The following SEPTIN9 variants were observed in gnomAD, a reference collection of about 807,000 sequenced individuals.
SEPTIN9 encodes the protein septin-9.
A neutral mutation model predicts 56.6 loss-of-function variants in SEPTIN9; 13 were observed. That is an observed-to-expected ratio of 0.23 (90% CI 0.15 to 0.37). The LOEUF is 0.37. Among genes scored for constraint, SEPTIN9 ranks in the 10% least tolerant of loss-of-function variants. SEPTIN9 has a pLI of 1.00. For synonymous variants in SEPTIN9, 332 were observed against 334.1 expected, an observed-to-expected ratio of 0.99 and a Z score of 0.07; for missense variants, 650 against 823.1, an observed-to-expected ratio of 0.79 and a Z score of 2.57.
At chr17:77,430,295 G>A (rs987089839) in intron 3 of SEPTIN9, among the ~76,000 whole-genome samples, 1 of 152,180 alleles carries the variant, frequency 6.6e-6, no homozygotes, top group Non-Finnish European at 1.5e-5. Context: ...GGACTTTGAA[G>A]CAGTTTTTAC....
chr17:77,456,078 G>A lies in SEPTIN9; in HGVS notation c.722-26066G>A, dbSNP rs1477011863. On this transcript the variant is annotated intron_variant, in intron 3 of 11. Transcript: ENST00000427177. The surrounding 1 kb of genome is among the most constrained non-coding windows in gnomAD (Gnocchi z 6.0). ...TGTCTTTTGTGCCTTGTGTGCTGGGGCCGGAGGAAACACTGCCCGTGGCCG... is the reference window on the plus strand; with the variant it reads ...TGTCTTTTGTGCCTTGTGTGCTGGGACCGGAGGAAACACTGCCCGTGGCCG... Among the ~76,000 whole-genome samples the A allele has an allele frequency of 6.6e-6, 1 of 152,088 alleles. No homozygotes were observed. The highest frequency in any genetic ancestry group is 1.5e-5 in the Non-Finnish European group (1 of 68,016).
chr17:77,305,912 G>C (rs1340945086), intron 1 of SEPTIN9, among the ~76,000 whole-genome samples: 1 of 114,158 alleles, frequency 8.8e-6, no homozygotes, highest in Non-Finnish European at 1.9e-5. Context: ...GGGTGGGGGG[G>C]TGGGTGGGTG....
chr17:77,302,063 A>G (rs2032076615), intron 1 of SEPTIN9, among the ~76,000 whole-genome samples: 1 of 152,206 alleles, frequency 6.6e-6, no homozygotes, highest in Admixed American at 6.5e-5. Context: ...GTGCATTTCA[A>G]TCATTAAAGT....
intron 2 of SEPTIN9, among the ~76,000 whole-genome samples, chr17:77,325,110 C>T (rs1041865899): frequency 6.6e-6 from 1 of 152,080 alleles, no homozygotes; most frequent in Non-Finnish European, 1.5e-5. Context: ...TGAGTCACCG[C>T]ACCCAGGCTG....
chr17:77,407,365 C>T (rs980046180), intron 3 of SEPTIN9, among the ~76,000 whole-genome samples: 9 of 149,242 alleles, frequency 6.0e-5, no homozygotes, highest in African/African-American at 2.2e-4. Flanking sequence ...TGAAATTATG[C>T]TGAAGGAGTG....
intron 2 of SEPTIN9, among the ~76,000 whole-genome samples, chr17:77,361,659 G>C (rs1032082440): frequency 3.3e-5 from 5 of 150,986 alleles, no homozygotes; most frequent in Admixed American, 1.3e-4. Context: ...TTGAGATGGA[G>C]TCTCGCTCTT....
chr17:77,350,680 G>A (rs965603331), intron 2 of SEPTIN9, among the ~76,000 whole-genome samples: 8 of 149,740 alleles, frequency 5.3e-5, no homozygotes, highest in African/African-American at 1.5e-4. Context: ...AATAATTCCC[G>A]TCCAAGTGCA....
chr17:77,290,408 C>T (rs1488115548), intron 1 of SEPTIN9, among the ~76,000 whole-genome samples: 3 of 151,970 alleles, frequency 2.0e-5, no homozygotes, highest in South Asian at 2.1e-4. Context: ...CAGGCACCCG[C>T]CCCCACGCCC....
chr17:77,441,466 G>A (rs996216279), intron 3 of SEPTIN9, among the ~76,000 whole-genome samples: 2 of 152,240 alleles, frequency 1.3e-5, no homozygotes, highest in African/African-American at 4.8e-5. Context: ...GGTTTTCAAA[G>A]TGCTTTTATG....
At position 77,319,344 on chromosome 17, in the gene SEPTIN9, G is replaced by A. The variant is rs1046527706; in HGVS notation, c.76+12147G>A. 1.3e-5 allele frequency among the ~76,000 whole-genome samples: 2 copies of A among 152,232 alleles called. No homozygotes were observed. On this transcript the variant is annotated intron_variant, in intron 2 of 11. Coordinates refer to ENST00000427177, the MANE Select transcript of SEPTIN9 (RefSeq NM_001113491.2). The surrounding 1 kb of genome is among the most constrained non-coding windows in gnomAD (Gnocchi z 5.3). ...TAAGCAGCCTCTGAGGACCCCGGAT[G>A]AACAGTGGGGAACAGCACTGATCCC...
At chr17:77,465,537 G>A (rs994654484) in intron 3 of SEPTIN9, among the ~76,000 whole-genome samples, 3 of 145,472 alleles carry the variant, frequency 2.1e-5, no homozygotes, top group Admixed American at 2.0e-4. Flanking sequence ...GCCCCAGGAG[G>A]CCAAAGCCCC....
chr17:77,373,837 T>C, intron 2 of SEPTIN9: 1 of 434,454 alleles, frequency 2.3e-6, no homozygotes, highest in Non-Finnish European at 3.8e-6. Context: ...TTCCTTTTAT[T>C]GTTGTTTGTG....
In SEPTIN9 at chr17:77,434,650, A is replaced by G. The variant is rs986521553; in HGVS notation, c.721+31947A>G. Among the ~76,000 whole-genome samples, 1 of 152,066 alleles carries G rather than the reference A, an allele frequency of 6.6e-6. No homozygotes were observed. The highest frequency in any genetic ancestry group is 1.5e-5 in the Non-Finnish European group (1 of 67,984). ...CCCCGTCAAAGCTCACGTCCAAGGC[A>G]TTTGTGGGCACCCCCGCCCCAGACG... On this transcript the variant is annotated intron_variant, in intron 3 of 11. Coordinates refer to ENST00000427177, the MANE Select transcript of SEPTIN9 (RefSeq NM_001113491.2). The surrounding 1 kb of genome is among the most constrained non-coding windows in gnomAD (Gnocchi z 5.0).
At chr17:77,354,570 G>A (rs1026247122) in intron 2 of SEPTIN9, among the ~76,000 whole-genome samples, 7 of 152,144 alleles carry the variant, frequency 4.6e-5, no homozygotes, top group African/African-American at 1.4e-4. Context: ...GGCTGCCGGA[G>A]CCCCTCCTGC....
At chr17:77,427,079 TAAG>T (rs2036942350) in intron 3 of SEPTIN9, 1 of 152,218 alleles carries the variant, frequency 6.6e-6, no homozygotes, top group Non-Finnish European at 1.5e-5. Flanking sequence ...TGATTGGAGC[TAAG>T]AAGGAGTCAG....
rs1441817901 is a variant in SEPTIN9 at position 77,453,481 on chromosome 17, T to C, written c.722-28663T>C. Among the ~76,000 whole-genome samples, 1 of 151,960 alleles carries C rather than the reference T, an allele frequency of 6.6e-6. No homozygotes were observed. The highest frequency in any genetic ancestry group is 1.9e-4 in the East Asian group (1 of 5,186). Reference sequence around the variant, plus strand: ...TAATCCGGGCATGGTGGCGCGTGCCTGTAATGGCAGCTACTCGGGAGGCTG... The same window carrying C: ...TAATCCGGGCATGGTGGCGCGTGCCCGTAATGGCAGCTACTCGGGAGGCTG... On this transcript the variant is annotated intron_variant, in intron 3 of 11. Coordinates refer to ENST00000427177, the MANE Select transcript of SEPTIN9 (RefSeq NM_001113491.2). The surrounding 1 kb of genome is among the most constrained non-coding windows in gnomAD (Gnocchi z 4.4).
At chr17:77,406,660 T>TG (rs2036087204) in intron 3 of SEPTIN9, among the ~76,000 whole-genome samples, 1 of 150,306 alleles carries the variant, frequency 6.7e-6, no homozygotes, top group Non-Finnish European at 1.5e-5. Context: ...TTGTTTTTTT[T>TG]TGTGTTTTTT....
intron 2 of SEPTIN9, among the ~76,000 whole-genome samples, chr17:77,321,596 A>C (rs1269586532): frequency 6.6e-6 from 1 of 151,900 alleles, no homozygotes; most frequent in Admixed American, 6.5e-5. Context: ...CACCGTGTCA[A>C]CCAGGATGGT....
intron 3 of SEPTIN9, among the ~76,000 whole-genome samples, chr17:77,411,444 G>A (rs1196327257): frequency 1.3e-5 from 2 of 150,004 alleles, no homozygotes; most frequent in South Asian, 2.1e-4. Flanking sequence ...GAGTGCAGTG[G>A]TGCGATCTCA....
Sources: allele counts gnomAD v4.1 joint callset (sites outside exome capture counted in the v4.1 genomes callset), GRCh38; gene constraint gnomAD v4.1.1; non-coding constraint Gnocchi (gnomAD v3.1); transcripts MANE v1.5; gene names NCBI Gene and HGNC (gene_info 2026-07-23, HGNC 2026-07-21).